Variants in VAT1L observed in about 807,000 individuals in gnomAD.
VAT1L encodes vesicle amine transport 1 like, also known as putative NADPH-dependent quinone oxidoreductase VAT1L.
A neutral mutation model predicts 44.1 loss-of-function variants in VAT1L; 34 were observed. That is an observed-to-expected ratio of 0.77 (90% CI 0.59 to 1.03). VAT1L has a LOEUF of 1.03. Ranked by LOEUF, VAT1L falls within the 50% of genes least tolerant of loss-of-function variation. VAT1L has a pLI of 0.00. For synonymous variants in VAT1L, 253 were observed against 202.2 expected, an observed-to-expected ratio of 1.25 and a Z score of -2.13; for missense variants, 615 against 538.8, an observed-to-expected ratio of 1.14 and a Z score of -1.40.
chr16:77,887,003 T>C (rs1450237917), intron 7 of VAT1L, among the ~76,000 whole-genome samples: 1 of 152,224 alleles, frequency 6.6e-6, no homozygotes, highest in East Asian at 1.9e-4. Flanking sequence ...AGAGCCAGTG[T>C]TCATCCCACT....
At chr16:77,855,003 A>C (rs1409619850) in intron 3 of VAT1L, among the ~76,000 whole-genome samples, 1 of 152,140 alleles carries the variant, frequency 6.6e-6, no homozygotes, top group Non-Finnish European at 1.5e-5. Context: ...GAAATCTTAG[A>C]ACTGAAGAGA....
chr16:77,812,494 C>T lies in VAT1L; in HGVS notation c.234-4427C>T, dbSNP rs1449028799. On this transcript the variant is annotated intron_variant, in intron 1 of 8. Transcript: ENST00000302536. The stretch of plus-strand genomic sequence containing the variant: ...CTTTATTCAAGTCTCGGCTCTGTCA[C>T]TGTCATGTACTGTCAGTGGTGTTGT... Among the ~76,000 whole-genome samples the T allele has an allele frequency of 2.6e-5, 4 of 152,198 alleles. No homozygotes were observed. In the East Asian group the frequency reaches 7.7e-4, roughly 29 times the overall value.
At chr16:77,955,382 G>A (rs570541305) in intron 7 of VAT1L, among the ~76,000 whole-genome samples, 16 of 152,262 alleles carry the variant, frequency 1.1e-4, no homozygotes, top group African/African-American at 3.4e-4. Context: ...CCACAACAAA[G>A]AGTTATCTGG....
chr16:77,823,416 G>T (rs957389067), intron 2 of VAT1L, among the ~76,000 whole-genome samples: 2 of 152,220 alleles, frequency 1.3e-5, no homozygotes, highest in Admixed American at 1.3e-4. Context: ...TTGAAAGCAT[G>T]AGCTGTACCT....
At chr16:77,882,312 A>C (rs1047261382) in intron 6 of VAT1L, 5 of 152,266 alleles carry the variant, frequency 3.3e-5, no homozygotes, top group Non-Finnish European at 7.3e-5. Context: ...GTGCCTCACT[A>C]TTTGTCAAAC....
Position 77,884,291 on chromosome 16 carries a change from G to T in VAT1L, c.883-317G>T, listed in dbSNP as rs968569491. ...ATACAAAAATTAGCTGGGCATGGTC[G>T]TGGGCGCCTGTAATCCCAGCTACTC... is the stretch of plus-strand genomic sequence containing the variant. On this transcript the variant is annotated intron_variant, in intron 6 of 8. Transcript: ENST00000302536. This position sits in a 1 kb window ranked among gnomAD's most constrained non-coding sequence, Gnocchi z 4.5. Among the ~76,000 whole-genome samples the T allele has an allele frequency of 3.3e-5, 5 of 152,150 alleles. No homozygotes were observed. The highest frequency in any genetic ancestry group is 2.1e-4 in the South Asian group (1 of 4,804).
chr16:77,899,122 C>A (rs2017354304), intron 7 of VAT1L, among the ~76,000 whole-genome samples: 1 of 152,162 alleles, frequency 6.6e-6, no homozygotes. Context: ...AGACTCATGG[C>A]AATCCTGTAG....
intron 7 of VAT1L, among the ~76,000 whole-genome samples, chr16:77,926,434 G>A (rs2017669903): frequency 6.7e-6 from 1 of 149,114 alleles, no homozygotes. Context: ...AAATACAAAA[G>A]TTAGTAGGGT....
chr16:77,948,286 T>A (rs893314589), intron 7 of VAT1L, among the ~76,000 whole-genome samples: 3 of 152,152 alleles, frequency 2.0e-5, no homozygotes, highest in African/African-American at 7.2e-5. Context: ...GTGGAGGTTA[T>A]TACCCCACAA....
chr16:77,961,526 C>T lies in VAT1L; in HGVS notation c.1078-10324C>T, dbSNP rs530742768. ...AAGGTTTCCATGGCCCTCTTCTTAT[C>T]GAGGACTGGATCAGTCTGTGACTCA... On this transcript the variant is annotated intron_variant, in intron 7 of 8. Coordinates refer to ENST00000302536, the MANE Select transcript of VAT1L (RefSeq NM_020927.3). 2.8e-4 allele frequency among the ~76,000 whole-genome samples: 42 copies of T among 152,268 alleles called. No homozygotes were observed. The South Asian group carries it at 8.5e-3, about 31-fold the overall frequency.
At chr16:77,816,713 A>G (rs2016361426) in intron 1 of VAT1L, among the ~76,000 whole-genome samples, 1 of 152,038 alleles carries the variant, frequency 6.6e-6, no homozygotes, top group Non-Finnish European at 1.5e-5. Flanking sequence ...ATCTGCATAG[A>G]GATAATTGAA....
At chr16:77,906,038 G>A (rs1187097863) in intron 7 of VAT1L, among the ~76,000 whole-genome samples, 1 of 152,096 alleles carries the variant, frequency 6.6e-6, no homozygotes, top group Non-Finnish European at 1.5e-5. Flanking sequence ...CTCACATCAG[G>A]AACTCATTTC....
At chr16:77,948,848 T>C (rs994039618) in intron 7 of VAT1L, among the ~76,000 whole-genome samples, 17 of 152,278 alleles carry the variant, frequency 1.1e-4, no homozygotes, top group African/African-American at 3.8e-4. Context: ...AGGATAATTA[T>C]GGTACATTCC....
At chr16:77,967,493 A>G (rs1382368361) in intron 7 of VAT1L, among the ~76,000 whole-genome samples, 2 of 152,224 alleles carry the variant, frequency 1.3e-5, no homozygotes, top group East Asian at 3.8e-4. Flanking sequence ...AGAGCAGCCT[A>G]ACAAGAGGAT....
At chr16:77,897,792 C>G (rs1404677094) in intron 7 of VAT1L, among the ~76,000 whole-genome samples, 1 of 152,160 alleles carries the variant, frequency 6.6e-6, no homozygotes, top group Non-Finnish European at 1.5e-5. Flanking sequence ...GGTTTCTTAA[C>G]CCTTCCACTT....
chr16:77,915,640 G>A (rs1165003234), intron 7 of VAT1L, among the ~76,000 whole-genome samples: 6 of 152,208 alleles, frequency 3.9e-5, no homozygotes, highest in African/African-American at 1.4e-4. Flanking sequence ...AAGGCCTAGA[G>A]GCAGGAGGCC....
intron 3 of VAT1L, among the ~76,000 whole-genome samples, chr16:77,855,589 G>A (rs2016850386): frequency 6.6e-6 from 1 of 152,132 alleles, no homozygotes; most frequent in African/African-American, 2.4e-5. Flanking sequence ...CATGGTTTAG[G>A]AATATAATTG....
chr16:77,929,573 A>G (rs1195821310), intron 7 of VAT1L, among the ~76,000 whole-genome samples: 1 of 152,162 alleles, frequency 6.6e-6, no homozygotes, highest in African/African-American at 2.4e-5. Flanking sequence ...AATAGTCAAC[A>G]TATCTCAAGA....
intron 4 of VAT1L, among the ~76,000 whole-genome samples, chr16:77,870,814 G>C (rs1463204395): frequency 6.6e-6 from 1 of 152,190 alleles, no homozygotes; most frequent in South Asian, 2.1e-4. Context: ...ACCGGAGTCA[G>C]GGGGCACAGA....
Sources: gnomAD v4.1 joint callset for allele counts (sites outside exome capture counted in the v4.1 genomes callset) on GRCh38, gnomAD v4.1.1 for gene constraint, Gnocchi (gnomAD v3.1) non-coding constraint, MANE v1.5 for transcripts, NCBI Gene and HGNC (gene_info 2026-07-23, HGNC 2026-07-21) for gene names.